The following INPP5B variants were observed in gnomAD, a reference collection of about 807,000 sequenced individuals.
INPP5B encodes type II inositol 1,4,5-trisphosphate 5-phosphatase.
Under a neutral mutation model 118.5 loss-of-function variants are expected in INPP5B, and 90 were observed. That is an observed-to-expected ratio of 0.76 (90% CI 0.64 to 0.90). The LOEUF (loss-of-function observed/expected upper bound fraction) is 0.90. Ranked by LOEUF, INPP5B falls within the 40% of genes least tolerant of loss-of-function variation. The probability of loss-of-function intolerance (pLI) is 0.00; values close to 1 mark genes in which losing one functional copy is unlikely to be tolerated. For synonymous variants in INPP5B, 385 were observed against 418.9 expected, an observed-to-expected ratio of 0.92 and a Z score of 0.99; for missense variants, 984 against 1,125.6, an observed-to-expected ratio of 0.87 and a Z score of 1.80.
chr1:37,906,837 G>A (rs188507942), intron 7 of INPP5B, among the ~76,000 whole-genome samples: 77 of 149,372 alleles, frequency 5.2e-4, no homozygotes, highest in African/African-American at 1.9e-3. Flanking sequence ...TCCAGCTTGG[G>A]CAACAGAGTA....
intron 7 of INPP5B, chr1:37,931,685 G>A (rs1333791102): frequency 6.6e-7 from 1 of 1,526,052 alleles, no homozygotes; most frequent in Non-Finnish European, 8.8e-7. Flanking sequence ...GCAGTGTTGC[G>A]CTCCCGAGAG....
intron 7 of INPP5B, among the ~76,000 whole-genome samples, chr1:37,909,730 G>GA (rs1365035196): frequency 6.6e-6 from 1 of 152,046 alleles, no homozygotes; most frequent in African/African-American, 2.4e-5. Flanking sequence ...CCAAAAATTA[G>GA]ATTCTGGCCT....
chr1:37,868,634 A>G lies in INPP5B; in HGVS notation c.2188-20T>C. The G allele has an allele frequency of 6.5e-7, 1 of 1,526,980 alleles. No homozygotes were observed. The highest frequency in any genetic ancestry group is 9.1e-7 in the Non-Finnish European group (1 of 1,100,860). The allele number at this position is 1,526,980 out of a possible 1,614,324, so 94.6% of individuals were successfully genotyped here. On this transcript the variant is annotated intron_variant, in intron 19 of 23. Transcript: ENST00000373024. ...CAGAGTCTGGAAAGCAATCAAGATC[A>G]TGACAGAACTTCTGCCAGGCTGGCT...
At chr1:37,921,398 T>A (rs1027268744) in intron 7 of INPP5B, among the ~76,000 whole-genome samples, 1 of 152,146 alleles carries the variant, frequency 6.6e-6, no homozygotes, top group Non-Finnish European at 1.5e-5. Context: ...ATGGAAAAAA[T>A]CCATTTTTTC....
chr1:37,891,498 G>C (rs746351844), intron 7 of INPP5B, 44 bp from the exon 8 acceptor site: 3 of 1,400,604 alleles, frequency 2.1e-6, no homozygotes, highest in Non-Finnish European at 3.0e-6. Flanking sequence ...ACATAGGCTG[G>C]ACATGGTGGC....
At chr1:37,891,831 T>C (rs1249237576) in intron 7 of INPP5B, among the ~76,000 whole-genome samples, 1 of 152,204 alleles carries the variant, frequency 6.6e-6, no homozygotes, top group East Asian at 1.9e-4. Flanking sequence ...TGCTTTAATA[T>C]ACAGACAACA....
In INPP5B at chr1:37,878,238, C is replaced by T. The variant is rs1159870487; in HGVS notation, c.1627G>A (p.Ala543Thr). ...ITQLSYQSHM[A>T]LKTSDHKPVS... ...GGCTTGTGGTCACTGGTCTTCAGGG[C>T]CATGTGGCTCTGGTAACTCAGCTGA... Residue 543 changes from alanine to threonine, a missense_variant, in exon 16 of 24, where the codon GCC becomes ACC. Physicochemically the swap from Ala to Thr is moderately conservative, Grantham distance 58. Coordinates refer to ENST00000373024, the MANE Select transcript of INPP5B (RefSeq NM_005540.3). The T allele has an allele frequency of 6.2e-7, 1 of 1,614,016 alleles. No homozygotes were observed. The highest frequency in any genetic ancestry group is 8.5e-7 in the Non-Finnish European group (1 of 1,180,026).
chr1:37,863,688 A>AAC (rs1641844522), intron 23 of INPP5B, among the ~76,000 whole-genome samples: 1 of 151,562 alleles, frequency 6.6e-6, no homozygotes, highest in Non-Finnish European at 1.5e-5. Context: ...GACTTTCTCA[A>AAC]GCACACACAC....
intron 14 of INPP5B, 45 bp from the exon 15 acceptor site, chr1:37,880,239 T>A (rs374188779): frequency 5.2e-5 from 74 of 1,433,574 alleles, no homozygotes; most frequent in Non-Finnish European, 6.7e-5. Flanking sequence ...AATAAAAAGG[T>A]CAAACTTTGA....
At chr1:37,930,313 G>T (rs958971346) in intron 7 of INPP5B, 1 of 152,172 alleles carries the variant, frequency 6.6e-6, no homozygotes, top group Non-Finnish European at 1.5e-5. Context: ...GAAAGGAAAT[G>T]AAAGATTGAG....
intron 7 of INPP5B, among the ~76,000 whole-genome samples, chr1:37,915,327 T>A (rs1644828775): frequency 6.6e-6 from 1 of 152,242 alleles, no homozygotes; most frequent in African/African-American, 2.4e-5. Context: ...CAGCAGGGTC[T>A]GAGGCAATAC....
intron 9 of INPP5B, among the ~76,000 whole-genome samples, chr1:37,889,151 T>G (rs1280111110): frequency 6.6e-6 from 1 of 152,200 alleles, no homozygotes; most frequent in Non-Finnish European, 1.5e-5. Context: ...GTGGGAGGGT[T>G]ACTTGGGCCC....
At chr1:37,900,177 G>A (rs1644278073) in intron 7 of INPP5B, among the ~76,000 whole-genome samples, 1 of 150,860 alleles carries the variant, frequency 6.6e-6, no homozygotes. Context: ...TGCCTCCTGG[G>A]TTCAAGCAAT....
intron 16 of INPP5B, among the ~76,000 whole-genome samples, chr1:37,877,090 G>A (rs971956416): frequency 6.6e-6 from 1 of 151,754 alleles, no homozygotes; most frequent in African/African-American, 2.4e-5. Flanking sequence ...GAAAAGGCTG[G>A]GAGCGGTGGC....
intron 21 of INPP5B, 130 bp downstream of exon 21, chr1:37,866,329 A>C: frequency 1.7e-6 from 1 of 605,406 alleles, no homozygotes; most frequent in Middle Eastern, 3.2e-4. Context: ...CTGAGGATAC[A>C]ATATCAGATT....
In INPP5B at chr1:37,862,199, T is replaced by C; in HGVS notation, c.*116A>G. 2 of 688,980 alleles carry C rather than the reference T, an allele frequency of 2.9e-6. No homozygotes were observed. The highest frequency in any genetic ancestry group is 5.2e-6 in the Non-Finnish European group (2 of 383,988). 42.7% of individuals were successfully genotyped at this position (688,980 alleles called of 1,614,324 possible). A position where few individuals can be genotyped will look rare whatever the true frequency, so the allele number is the denominator to read the frequency against. On this transcript the variant is annotated 3_prime_UTR_variant, in exon 24 of 24. Coordinates refer to ENST00000373024, the MANE Select transcript of INPP5B (RefSeq NM_005540.3). The stretch of plus-strand genomic sequence containing the variant: ...TAATTGGGGTACTAGGCTCAGGAAA[T>C]AGCTGCCATTCTTGCTACCAAGTGG...
intron 10 of INPP5B, among the ~76,000 whole-genome samples, chr1:37,887,832 T>G (rs1336338080): frequency 6.7e-6 from 1 of 150,068 alleles, no homozygotes; most frequent in Non-Finnish European, 1.5e-5. Context: ...CCCTCCCCAC[T>G]AGTAATGCCC....
intron 2 of INPP5B, 26 bp downstream of exon 2, chr1:37,946,226 G>A (rs960949885): frequency 6.2e-7 from 1 of 1,601,720 alleles, no homozygotes; most frequent in Non-Finnish European, 8.5e-7. Flanking sequence ...GCAGGCTCAG[G>A]GCCGCAGTTA....
chr1:37,884,601 TG>T (rs936683340), intron 13 of INPP5B, among the ~76,000 whole-genome samples: 48 of 152,106 alleles, frequency 3.2e-4, no homozygotes, highest in African/African-American at 1.2e-3. Flanking sequence ...TTCTTATTTC[TG>T]GCTGCTATAC....
Sources: allele counts gnomAD v4.1 joint callset (sites outside exome capture counted in the v4.1 genomes callset), GRCh38; gene constraint gnomAD v4.1.1; transcripts MANE v1.5; gene names NCBI Gene and HGNC (gene_info 2026-07-23, HGNC 2026-07-21).